The following SIRT3 variants were observed in gnomAD, a reference collection of about 807,000 sequenced individuals.
SIRT3 encodes NAD-dependent protein deacetylase sirtuin-3, mitochondrial.
SIRT3 carries 26 observed loss-of-function variants against 33.5 expected under a neutral mutation model. The observed-to-expected ratio is 0.78, with a 90% CI of 0.57 to 1.08. The LOEUF is 1.08. Ranked by LOEUF, SIRT3 falls within the 50% of genes least tolerant of loss-of-function variation. The pLI is 0.00. For synonymous variants in SIRT3, 237 were observed against 222.1 expected, an observed-to-expected ratio of 1.07 and a Z score of -0.60; for missense variants, 585 against 530.1, an observed-to-expected ratio of 1.10 and a Z score of -1.02.
upstream of SIRT3, chr11:236,915 C>G: frequency 1.4e-6 from 1 of 733,552 alleles, no homozygotes. Context: ...CAGCGGGGCC[C>G]GCCCCCGGCC....
intron 3 of SIRT3, among the ~76,000 whole-genome samples, chr11:231,832 T>G (rs933996215): frequency 1.3e-5 from 2 of 151,618 alleles, no homozygotes; most frequent in African/African-American, 4.8e-5. Context: ...AGGTGCCACC[T>G]CTTTTTAACT....
At chr11:230,162 G>A (rs933085502) in intron 4 of SIRT3, among the ~76,000 whole-genome samples, 13 of 146,942 alleles carry the variant, frequency 8.8e-5, no homozygotes, top group African/African-American at 2.8e-4. Context: ...GCAGTGAGCC[G>A]AGATCGCCCA....
At chr11:225,452 T>A (rs900093086) in intron 4 of SIRT3, among the ~76,000 whole-genome samples, 2 of 151,876 alleles carry the variant, frequency 1.3e-5, no homozygotes, top group African/African-American at 2.4e-5. Flanking sequence ...AAACTATCTA[T>A]TAAAGATATA....
chr11:218,704 G>A (rs1441931295), intron 6 of SIRT3, 128 bp downstream of exon 6: 2 of 1,498,778 alleles, frequency 1.3e-6, no homozygotes, highest in Non-Finnish European at 1.8e-6. Flanking sequence ...AGTGCCTGGT[G>A]CAGGATTCAC....
intron 6 of SIRT3, 142 bp from the exon 7 acceptor site, chr11:216,860 G>T: frequency 1.1e-6 from 1 of 920,328 alleles, no homozygotes; most frequent in Non-Finnish European, 1.8e-6. Flanking sequence ...TGCTGCTGCT[G>T]TGCTGGGCTA....
intron 1 of SIRT3, among the ~76,000 whole-genome samples, chr11:234,403 T>TTGTTTTG (rs1858592112): frequency 6.6e-6 from 1 of 151,318 alleles, no homozygotes; most frequent in South Asian, 2.1e-4. Flanking sequence ...GTAGCAAGGA[T>TTGTTTTG]TTTTGTTTTG....
chr11:221,560 A>G (rs1856445112), intron 5 of SIRT3, among the ~76,000 whole-genome samples: 4 of 152,246 alleles, frequency 2.6e-5, no homozygotes. Flanking sequence ...AGATTTTAGA[A>G]AAGATCATAT....
rs769185963 is a variant in SIRT3 at position 236,305 on chromosome 11, G to A, written c.24C>T (p.Ala8=). The A allele has an allele frequency of 4.6e-6, 7 of 1,522,112 alleles. No individual in the cohort carries two copies. Among genetic ancestry groups the A allele is most frequent in the African/African-American group, 1.4e-5 (1 of 71,276 alleles). The allele number at this position is 1,522,112 out of a possible 1,614,324, so 94.3% of individuals were successfully genotyped here. A position where few individuals can be genotyped will look rare whatever the true frequency, so the allele number is the denominator to read the frequency against. The part of the protein sequence containing the change: MAFWGWR[A]AAALRLWGRV... ...GGCCCCACAGCCGGAGGGCTGCCGC[G>A]GCGCGCCAACCCCAGAACGCCATGT... Residue 8 remains alanine, a synonymous_variant, in exon 1 of 7, where the codon GCC becomes GCT. Transcript: ENST00000382743.
At chr11:222,009 CAT>C (rs1415891168) in intron 5 of SIRT3, among the ~76,000 whole-genome samples, 3 of 152,336 alleles carry the variant, frequency 2.0e-5, no homozygotes, top group African/African-American at 4.8e-5. Flanking sequence ...CAAAGACACA[CAT>C]GATACACTTA....
In SIRT3 at chr11:224,102, C is replaced by T. The variant is rs142088229; in HGVS notation, c.945G>A (p.Leu315=). ...CCTCCAGGGAGGTCCCAAGGATGAGCAGCAGATCTGCCATGGGGAAATCAA... is the reference window on the plus strand; with the variant it reads ...CCTCCAGGGAGGTCCCAAGGATGAGTAGCAGATCTGCCATGGGGAAATCAA... ...HVVDFPMADL[L]LILGTSLEVE... The change falls in exon 5 of 7, where the codon CTG becomes CTA. Residue 315 remains leucine (L), a synonymous_variant. Coordinates refer to ENST00000382743, the MANE Select transcript of SIRT3 (RefSeq NM_012239.6). 5 of 1,614,114 alleles carry T rather than the reference C, an allele frequency of 3.1e-6. No individual in the cohort carries two copies. The African/African-American group carries it at 6.7e-5, about 22-fold the overall frequency.
At chr11:226,830 C>T (rs1734487) in intron 4 of SIRT3, among the ~76,000 whole-genome samples, 4 of 149,688 alleles carry the variant, frequency 2.7e-5, no homozygotes, top group African/African-American at 7.3e-5. Context: ...CTCAGCTCAC[C>T]GCAACCTCCG....
At chr11:225,839 G>C (rs1857112743) in intron 4 of SIRT3, 1 of 152,198 alleles carries the variant, frequency 6.6e-6, no homozygotes, top group Non-Finnish European at 1.5e-5. Context: ...GTATGATCCA[G>C]CAACCATGAA....
chr11:225,672 C>T (rs1468970134), intron 4 of SIRT3: 2 of 152,162 alleles, frequency 1.3e-5, no homozygotes, highest in Non-Finnish European at 2.9e-5. Context: ...GAAGAAATTA[C>T]CCAGAATGCA....
chr11:216,643 T>C lies in SIRT3; in HGVS notation c.*55A>G. The C allele has an allele frequency of 1.2e-6, 2 of 1,603,902 alleles. No individual in the cohort carries two copies. Among genetic ancestry groups the C allele is most frequent in the South Asian group, 2.2e-5 (2 of 90,724 alleles). ...CTTCAGGCATGAGGTCTTGTCAGAA[T>C]TGGGATGTGGATGTCTCCTATGTTA... On this transcript the variant is annotated 3_prime_UTR_variant, in exon 7 of 7. Transcript: ENST00000382743.
Position 233,364 on chromosome 11 carries a change from G to C in SIRT3, c.452C>G (p.Pro151Arg), listed in dbSNP as rs140359001. 2.9e-5 allele frequency: 47 copies of C among 1,613,764 alleles called. 1 individual carries two copies. In the African/African-American group the frequency reaches 6.1e-4, roughly 21 times the overall value. Residue 151 changes from proline (P) to arginine (R), a missense_variant, in exon 2 of 7, where the codon CCC becomes CGC. Coordinates refer to ENST00000382743, the MANE Select transcript of SIRT3 (RefSeq NM_012239.6). ...VVMVGAGIST[P>R]SGIPDFRSPG... is the part of the protein sequence containing the mutation. ...GTACCTGAAGTCTGGAATGCCACTGGGTGTGCTGATGCCGGCCCCCACCAT... is the reference window on the plus strand; with the variant it reads ...GTACCTGAAGTCTGGAATGCCACTGCGTGTGCTGATGCCGGCCCCCACCAT...
chr11:227,275 T>C (rs1857307932), intron 4 of SIRT3, among the ~76,000 whole-genome samples: 1 of 151,006 alleles, frequency 6.6e-6, no homozygotes, highest in South Asian at 2.1e-4. Context: ...CCATCTCTAC[T>C]AAAAATACAA....
chr11:218,782 G>T (rs1856001288), intron 6 of SIRT3, 50 bp downstream of exon 6: 1 of 1,613,498 alleles, frequency 6.2e-7, no homozygotes, highest in Admixed American at 1.7e-5. Context: ...CCATACCCTA[G>T]AGCAGTGAGA....
At chr11:226,562 C>T (rs370518121) in intron 4 of SIRT3, among the ~76,000 whole-genome samples, 1 of 149,892 alleles carries the variant, frequency 6.7e-6, no homozygotes, top group African/African-American at 2.5e-5. Flanking sequence ...ATGGGTGCCA[C>T]CACAAATGGC....
chr11:218,861 G>T lies in SIRT3; in HGVS notation c.1150C>A (p.Arg384=). 1 of 1,614,100 alleles carries T rather than the reference G, an allele frequency of 6.2e-7. No homozygotes were observed. Among genetic ancestry groups the T allele is most frequent in the South Asian group, 1.1e-5 (1 of 91,082 alleles). The change falls in exon 6 of 7, where the codon CGG becomes AGG. Residue 384 remains arginine (R), a synonymous_variant. Transcript: ENST00000382743. ...VELLGWTEEM[R]DLVQRETGKL... Reference sequence around the variant, plus strand: ...CCAGTTTCCCGCTGCACAAGGTCCCGCATCTCTTCTGTCCAGCCCAGAAGC... The same window carrying T: ...CCAGTTTCCCGCTGCACAAGGTCCCTCATCTCTTCTGTCCAGCCCAGAAGC...
Sources: allele counts gnomAD v4.1 joint callset (sites outside exome capture counted in the v4.1 genomes callset), GRCh38; gene constraint gnomAD v4.1.1; transcripts MANE v1.5; gene names NCBI Gene and HGNC (gene_info 2026-07-23, HGNC 2026-07-21).